The following DBF4 variants were observed in gnomAD, a reference collection of about 807,000 sequenced individuals.
The protein encoded by DBF4 is DBF4-CDC7 kinase regulatory subunit, also known as protein DBF4 homolog A.
DBF4 carries 25 observed loss-of-function variants against 76.6 expected under a neutral mutation model. That is an observed-to-expected ratio of 0.33 (90% CI 0.24 to 0.46). The LOEUF (loss-of-function observed/expected upper bound fraction) is 0.46. DBF4 is among the 20% of genes least tolerant of loss of function. The pLI is 1.00. For synonymous variants in DBF4, 213 were observed against 258.0 expected (o/e 0.83, Z 1.67); for missense variants, 638 against 760.8 (o/e 0.84, Z 1.90).
At chr7:87,877,638 TATTCTGC>T (rs1187068063) in intron 1 of DBF4, among the ~76,000 whole-genome samples, 3 of 152,234 alleles carry the variant, frequency 2.0e-5, no homozygotes, top group African/African-American at 7.2e-5. Flanking sequence ...AGGACTAGGT[TATTCTGC>T]GTAACAGAGG....
rs1473485462 is a variant in DBF4, at chr7:87,878,140, C to T, written c.134C>T (p.Pro45Leu). The change falls in exon 2 of 12, where the codon CCA (proline) becomes CTA (leucine). Residue 45 changes from proline to leucine, a missense_variant. By Grantham distance (98) the Pro-to-Leu change is moderately conservative. Transcript: ENST00000265728. The part of the protein sequence containing the change: ...DNRPEKSKCK[P>L]LWGKVFYLDL... Reference sequence around the variant, plus strand: ...AGGCCAGAAAAATCCAAATGTAAGCCACTTTGGGGAAAAGTATTTTACCTT... The same window carrying T: ...AGGCCAGAAAAATCCAAATGTAAGCTACTTTGGGGAAAAGTATTTTACCTT... The T allele has an allele frequency of 1.9e-6, 3 of 1,612,468 alleles. No homozygotes were observed. The highest frequency in any genetic ancestry group is 2.5e-6 in the Non-Finnish European group (3 of 1,179,294).
At chr7:87,886,215 A>C (rs1839346563) in intron 3 of DBF4, among the ~76,000 whole-genome samples, 1 of 152,150 alleles carries the variant, frequency 6.6e-6, no homozygotes, top group African/African-American at 2.4e-5. Flanking sequence ...CATTTCAACG[A>C]GTTTTCCTAG....
intron 2 of DBF4, among the ~76,000 whole-genome samples, chr7:87,880,185 C>G (rs930803549): frequency 1.4e-4 from 21 of 152,246 alleles, no homozygotes; most frequent in African/African-American, 5.1e-4. Context: ...GAGGCTAAAG[C>G]AAGAACTACT....
rs150342212 is a variant in DBF4, at chr7:87,902,312, T to G, written c.924+1434T>G. On this transcript the variant is annotated intron_variant, in intron 10 of 11. Transcript: ENST00000265728. ...TTATATGTTTCTTAGTTGCTAAGAG[T>G]AAAGACATTTTTTTTTTGAATGTTA... Among the ~76,000 whole-genome samples the G allele has an allele frequency of 2.0e-5, 3 of 152,006 alleles. No individual in the cohort carries two copies. The East Asian group carries it at 5.8e-4, about 29-fold the overall frequency.
chr7:87,886,280 C>T (rs1351346175), intron 3 of DBF4, among the ~76,000 whole-genome samples: 3 of 152,064 alleles, frequency 2.0e-5, no homozygotes, highest in African/African-American at 7.2e-5. Flanking sequence ...CGCCTGTAAT[C>T]CCAGCACTTT....
intron 3 of DBF4, 114 bp downstream of exon 3, chr7:87,885,272 C>T: frequency 2.3e-6 from 2 of 871,296 alleles, no homozygotes; most frequent in East Asian, 2.6e-5. Flanking sequence ...TGCAAAGCCA[C>T]ATGATGTGTG....
intron 7 of DBF4, among the ~76,000 whole-genome samples, chr7:87,896,916 GC>G (rs1187356195): frequency 6.6e-6 from 1 of 152,200 alleles, no homozygotes; most frequent in African/African-American, 2.4e-5. Context: ...GAAAATATGT[GC>G]AGTTTCTATT....
At chr7:87,898,730 G>T (rs569209253) in intron 8 of DBF4, among the ~76,000 whole-genome samples, 1 of 150,502 alleles carries the variant, frequency 6.6e-6, no homozygotes, top group South Asian at 2.1e-4. Context: ...GGCAGAGCTT[G>T]CAGTGAGCCG....
chr7:87,878,876 T>A (rs1839137249), intron 2 of DBF4, among the ~76,000 whole-genome samples: 1 of 152,256 alleles, frequency 6.6e-6, no homozygotes, highest in Non-Finnish European at 1.5e-5. Context: ...TTTGACTTTC[T>A]GAAGGTCTGC....
Position 87,885,019 on chromosome 7 carries a change from T to C in DBF4, c.260T>C (p.Ile87Thr). The C allele has an allele frequency of 1.9e-6, 3 of 1,613,216 alleles. No individual in the cohort carries two copies. The highest frequency in any genetic ancestry group is 2.5e-6 in the Non-Finnish European group (3 of 1,179,220). ...EFLSKDISYL[I>T]SNKKEAKFAQ... ...CTCAGCAAAGATATCAGTTATCTTA[T>C]TTCAAATAAGAAGGAAGCTAAATTT... Residue 87 changes from isoleucine to threonine, a missense_variant, in exon 3 of 12, where the codon ATT becomes ACT. Coordinates refer to ENST00000265728, the MANE Select transcript of DBF4 (RefSeq NM_006716.4).
chr7:87,896,668 A>G (rs184376209), intron 7 of DBF4, among the ~76,000 whole-genome samples, 158 bp downstream of exon 7: 1 of 152,320 alleles, frequency 6.6e-6, no homozygotes, highest in East Asian at 1.9e-4. Flanking sequence ...AAGCCTGTGG[A>G]CCGCATTTTC....
intron 8 of DBF4, 128 bp downstream of exon 8, chr7:87,897,467 C>A: frequency 1.3e-6 from 1 of 744,482 alleles, no homozygotes; most frequent in Non-Finnish European, 2.1e-6. Flanking sequence ...TACTAATGTG[C>A]ATGCGGCACA....
intron 11 of DBF4, among the ~76,000 whole-genome samples, chr7:87,905,343 G>A (rs574786445): frequency 8.5e-5 from 13 of 152,186 alleles, no homozygotes; most frequent in Admixed American, 2.6e-4. Context: ...ATCAGCTCCT[G>A]TTGTAGAACC....
chr7:87,889,424 C>A (rs556132042), intron 6 of DBF4, among the ~76,000 whole-genome samples: 8 of 152,086 alleles, frequency 5.3e-5, no homozygotes, highest in Admixed American at 3.9e-4. Context: ...GGACTACAGG[C>A]ATGAGCCACC....
At chr7:87,892,183 G>A (rs572624082) in intron 6 of DBF4, among the ~76,000 whole-genome samples, 47 of 152,240 alleles carry the variant, frequency 3.1e-4, no homozygotes, top group East Asian at 2.1e-3. Flanking sequence ...TGATTATGAC[G>A]TGTGTCCATC....
At position 87,904,431 on chromosome 7, in the gene DBF4, C is replaced by A; in HGVS notation, c.1049+15C>A. On this transcript the variant is annotated intron_variant, in intron 11 of 11. Transcript: ENST00000265728. ...AAAAAGAAAAGGTAATTAGTTTTATCAACCTAAGTTTTAAATTCTACTAGG... is the reference window on the plus strand; with the variant it reads ...AAAAAGAAAAGGTAATTAGTTTTATAAACCTAAGTTTTAAATTCTACTAGG... 1 of 1,607,502 alleles carries A rather than the reference C, an allele frequency of 6.2e-7. No individual in the cohort carries two copies. The highest frequency in any genetic ancestry group is 1.1e-5 in the South Asian group (1 of 90,400).
intron 8 of DBF4, among the ~76,000 whole-genome samples, chr7:87,899,022 T>G (rs1839705106): frequency 6.6e-6 from 1 of 152,114 alleles, no homozygotes; most frequent in Admixed American, 6.5e-5. Context: ...TTAACAGTGT[T>G]GAGAAAACTA....
At chr7:87,904,831 C>T (rs930056814) in intron 11 of DBF4, among the ~76,000 whole-genome samples, 4 of 152,194 alleles carry the variant, frequency 2.6e-5, no homozygotes, top group Admixed American at 2.0e-4. Flanking sequence ...TATGTATTTT[C>T]GGGATGTAAA....
Position 87,879,884 on chromosome 7 carries a change from C to T in DBF4, c.219+1659C>T, listed in dbSNP as rs148662442. On this transcript the variant is annotated intron_variant, in intron 2 of 11. Coordinates refer to ENST00000265728, the MANE Select transcript of DBF4 (RefSeq NM_006716.4). ...ATGAGCATCACTTGAACCTGGGAGG[C>T]GGAGGTTGCAGTGAGCCAAGATTGT... Among the ~76,000 whole-genome samples the T allele has an allele frequency of 2.3e-3, 341 of 148,764 alleles. 1 individual carries two copies. Among genetic ancestry groups the T allele is most frequent in the African/African-American group, 7.5e-3 (300 of 40,064 alleles).
Sources: gnomAD v4.1 joint callset for allele counts (sites outside exome capture counted in the v4.1 genomes callset) on GRCh38, gnomAD v4.1.1 for gene constraint, MANE v1.5 for transcripts, NCBI Gene and HGNC (gene_info 2026-07-23, HGNC 2026-07-21) for gene names.